Variants in SIAH1 observed in about 807,000 individuals in gnomAD.
SIAH1 encodes E3 ubiquitin-protein ligase SIAH1.
SIAH1 carries 2 observed loss-of-function variants against 20.0 expected under a neutral mutation model. That is an observed-to-expected ratio of 0.10 (90% CI 0.04 to 0.31). The LOEUF (loss-of-function observed/expected upper bound fraction) is 0.31, where lower values mean the gene tolerates loss of function less well. Ranked by LOEUF, SIAH1 falls within the 10% of genes least tolerant of loss-of-function variation. The probability of loss-of-function intolerance (pLI) is 1.00; values close to 1 mark genes in which losing one functional copy is unlikely to be tolerated. For synonymous variants in SIAH1, 118 were observed against 125.3 expected, an observed-to-expected ratio of 0.94 and a Z score of 0.39; for missense variants, 119 against 355.3, an observed-to-expected ratio of 0.33 and a Z score of 5.35.
At chr16:48,384,983 G>C (rs1961409150) in intron 1 of SIAH1, among the ~76,000 whole-genome samples, 1 of 146,718 alleles carries the variant, frequency 6.8e-6, no homozygotes. Flanking sequence ...TCCAGGGGCG[G>C]GGGCGAGCCG....
chr16:48,385,752 C>T (rs557041129), upstream of SIAH1, among the ~76,000 whole-genome samples: 862 of 152,132 alleles, frequency 5.7e-3, 9 homozygotes, highest in African/African-American at 0.02. Context: ...CGTGACCCCC[C>T]CGGCTCCGGC....
chr16:48,371,068 C>T (rs1016351928), intron 1 of SIAH1, among the ~76,000 whole-genome samples: 4 of 147,284 alleles, frequency 2.7e-5, no homozygotes, highest in African/African-American at 7.5e-5. Flanking sequence ...GAGCCAAGAT[C>T]GTGCCATTGC....
chr16:48,384,597 C>T (rs1309085156), intron 1 of SIAH1, among the ~76,000 whole-genome samples: 3 of 152,082 alleles, frequency 2.0e-5, no homozygotes, highest in Admixed American at 1.3e-4. Context: ...ACAATGAAGC[C>T]TCCGGCCGAA....
At chr16:48,384,496 T>C (rs150005106) in intron 1 of SIAH1, among the ~76,000 whole-genome samples, 3 of 152,282 alleles carry the variant, frequency 2.0e-5, no homozygotes, top group East Asian at 3.9e-4. Flanking sequence ...ATGCCAGGTT[T>C]ATAATAAGCT....
upstream of SIAH1, among the ~76,000 whole-genome samples, chr16:48,385,733 C>T (rs1025104902): frequency 3.3e-5 from 5 of 152,040 alleles, no homozygotes; most frequent in Non-Finnish European, 5.9e-5. Context: ...GCGCTTTGTT[C>T]CGGGGCCGCG....
At chr16:48,367,216 C>A (rs1210465776) in intron 1 of SIAH1, among the ~76,000 whole-genome samples, 3 of 152,116 alleles carry the variant, frequency 2.0e-5, no homozygotes, top group African/African-American at 7.2e-5. Context: ...TTTTTTCATT[C>A]GACAGGTCTT....
rs1961423920 is a variant in SIAH1, at chr16:48,385,292, T to G, written c.-91A>C. 3.5e-6 allele frequency: 1 copy of G among 288,636 alleles called. No individual in the cohort carries two copies. Among genetic ancestry groups the G allele is most frequent in the Non-Finnish European group, 7.4e-6 (1 of 134,538 alleles). 17.9% of individuals were successfully genotyped at this position (288,636 alleles called of 1,614,324 possible). A position where few individuals can be genotyped will look rare whatever the true frequency, so the allele number is the denominator to read the frequency against. On this transcript the variant is annotated 5_prime_UTR_variant, in exon 1 of 2. Transcript: ENST00000394725. ...CGCCACCGCGGGCAGCGCCACCGCC[T>G]CTTCCCGGCGCCGAGACCGACGGGA...
intron 1 of SIAH1, among the ~76,000 whole-genome samples, chr16:48,378,576 T>C (rs908509746): frequency 6.6e-6 from 1 of 152,236 alleles, no homozygotes; most frequent in African/African-American, 2.4e-5. Context: ...ACTTTTTCCA[T>C]ATGTATTTAG....
At chr16:48,365,840 C>G (rs1960813418) in intron 1 of SIAH1, 3 of 1,250,778 alleles carry the variant, frequency 2.4e-6, no homozygotes, top group African/African-American at 3.1e-5. Flanking sequence ...GGGCGACGCG[C>G]TGGCTGAGAA....
At chr16:48,365,874 T>C in intron 1 of SIAH1, 2 of 1,242,798 alleles carry the variant, frequency 1.6e-6, no homozygotes, top group Non-Finnish European at 2.0e-6. Flanking sequence ...CTGAGCCAGC[T>C]CAAGAGTTAC....
In SIAH1 at chr16:48,361,474, T is replaced by C. The variant is rs773020661; in HGVS notation, c.*106A>G. ...TTCTTTTTATTTACCTTCATGTGTC[T>C]AGCTTCCACCTACCGAAAGAGTTTT... On this transcript the variant is annotated 3_prime_UTR_variant, in exon 2 of 2. Transcript: ENST00000394725. 3 of 1,099,280 alleles carry C rather than the reference T, an allele frequency of 2.7e-6. No individual in the cohort carries two copies. The highest frequency in any genetic ancestry group is 4.1e-6 in the Non-Finnish European group (3 of 733,594). 68.1% of individuals were successfully genotyped at this position (1,099,280 alleles called of 1,614,324 possible). A position where few individuals can be genotyped will look rare whatever the true frequency, so the allele number is the denominator to read the frequency against.
chr16:48,382,485 T>C (rs925021155), intron 1 of SIAH1, among the ~76,000 whole-genome samples: 3 of 152,210 alleles, frequency 2.0e-5, no homozygotes, highest in African/African-American at 7.2e-5. Flanking sequence ...TGAGGATATA[T>C]ATTAAAAACA....
At chr16:48,387,064 A>G (rs1961481438), upstream of SIAH1, 1 of 152,202 alleles carries the variant, frequency 6.6e-6, no homozygotes, top group South Asian at 2.1e-4. Flanking sequence ...CTTATAAACT[A>G]GTGGATTCTC....
intron 1 of SIAH1, among the ~76,000 whole-genome samples, chr16:48,366,889 C>G (rs1398344757): frequency 6.6e-6 from 1 of 152,192 alleles, no homozygotes; most frequent in East Asian, 1.9e-4. Flanking sequence ...AAAATAGACA[C>G]AGTCAGCCCC....
chr16:48,371,450 C>T (rs969009413), intron 1 of SIAH1, among the ~76,000 whole-genome samples: 2 of 152,196 alleles, frequency 1.3e-5, no homozygotes, highest in Non-Finnish European at 2.9e-5. Flanking sequence ...AATAAACTTC[C>T]TAAAGTCTTT....
At chr16:48,374,433 G>T (rs1961054140) in intron 1 of SIAH1, among the ~76,000 whole-genome samples, 1 of 152,200 alleles carries the variant, frequency 6.6e-6, no homozygotes. Flanking sequence ...CGAAAGTGTT[G>T]AGGGCAGAAT....
At chr16:48,375,723 GAA>G (rs1049522300) in intron 1 of SIAH1, among the ~76,000 whole-genome samples, 2 of 151,958 alleles carry the variant, frequency 1.3e-5, no homozygotes, top group African/African-American at 4.8e-5. Context: ...TAGGTTAAAA[GAA>G]AAAAATAGGT....
At chr16:48,365,258 T>C (rs1960784586) in intron 1 of SIAH1, 2 of 926,220 alleles carry the variant, frequency 2.2e-6, no homozygotes, top group East Asian at 2.6e-5. Flanking sequence ...GCAGCCCAAA[T>C]GAAACATGAC....
In SIAH1 at chr16:48,385,262, A is replaced by AC; in HGVS notation, c.-62dup. 6.4e-6 allele frequency: 2 copies of AC among 314,946 alleles called. No homozygotes were observed. The highest frequency in any genetic ancestry group is 2.2e-5 in the South Asian group (1 of 46,148). The allele number at this position is 314,946 out of a possible 1,614,324, so 19.5% of individuals were successfully genotyped here. The stretch of plus-strand genomic sequence containing the variant: ...CTGGCACCAACGCGCTCCGTCGCCA[A>AC]CCCCCGCCACCGCGGGCAGCGCCAC... On this transcript the variant is annotated 5_prime_UTR_variant, in exon 1 of 2. Transcript: ENST00000394725.
Sources: gnomAD v4.1 joint callset for allele counts (sites outside exome capture counted in the v4.1 genomes callset) on GRCh38, gnomAD v4.1.1 for gene constraint, MANE v1.5 for transcripts, NCBI Gene and HGNC (gene_info 2026-07-23, HGNC 2026-07-21) for gene names.